The following ZNRF3 variants were observed in gnomAD, a reference collection of about 807,000 sequenced individuals.
ZNRF3 encodes zinc and ring finger 3.
ZNRF3 carries 23 observed loss-of-function variants against 72.5 expected under a neutral mutation model. The ratio of observed to expected loss-of-function variants is 0.32; its 90% CI spans 0.23 to 0.45. The LOEUF (loss-of-function observed/expected upper bound fraction) is 0.45. Among genes scored for constraint, ZNRF3 ranks in the 20% least tolerant of loss-of-function variants. The probability of loss-of-function intolerance (pLI) is 1.00; values close to 1 mark genes in which losing one functional copy is unlikely to be tolerated. For missense variants in ZNRF3, 1,169 were observed against 1,272.1 expected (o/e 0.92, Z 1.23); for synonymous variants, 610 against 545.3 (o/e 1.12, Z -1.65).
intron 2 of ZNRF3, among the ~76,000 whole-genome samples, chr22:29,035,779 C>T (rs1049260709): frequency 1.3e-5 from 2 of 151,950 alleles, no homozygotes; most frequent in Non-Finnish European, 2.9e-5. Context: ...GGGATTTCAC[C>T]GTGTTACCGA....
intron 2 of ZNRF3, among the ~76,000 whole-genome samples, chr22:29,015,844 C>G (rs1379394782): frequency 6.6e-6 from 1 of 151,096 alleles, no homozygotes; most frequent in Non-Finnish European, 1.5e-5. Flanking sequence ...ATGGTGAAAC[C>G]CCGTCTCTAC....
chr22:29,056,766 G>C lies in ZNRF3; in HGVS notation c.*3144G>C, dbSNP rs1440327923. 2.0e-5 allele frequency: 3 copies of C among 152,208 alleles called. No individual in the cohort carries two copies. In the East Asian group the frequency reaches 5.8e-4, roughly 29 times the overall value. 9.4% of individuals were successfully genotyped at this position (152,208 alleles called of 1,614,324 possible). A position where few individuals can be genotyped will look rare whatever the true frequency, so the allele number is the denominator to read the frequency against. ...TGGAAGTTTGGGTGTTTACCAACAAGGTACCTCTTTATGGATGCAGCCCCA... is the reference window on the plus strand; with the variant it reads ...TGGAAGTTTGGGTGTTTACCAACAACGTACCTCTTTATGGATGCAGCCCCA... On this transcript the variant is annotated 3_prime_UTR_variant, in exon 9 of 9. Transcript: ENST00000544604.
At chr22:29,053,423 G>A (rs886924463) in intron 8 of ZNRF3, among the ~76,000 whole-genome samples, 156 bp from the exon 9 acceptor site, 1 of 152,168 alleles carries the variant, frequency 6.6e-6, no homozygotes, top group Non-Finnish European at 1.5e-5. Flanking sequence ...TGTGCTCTCA[G>A]CACAAATGGA....
At chr22:28,998,727 G>T (rs1047658833) in intron 2 of ZNRF3, among the ~76,000 whole-genome samples, 2 of 152,198 alleles carry the variant, frequency 1.3e-5, no homozygotes, top group Non-Finnish European at 2.9e-5. Context: ...TAAAAAACTA[G>T]ATCAGAGACA....
At chr22:29,008,186 T>C (rs560705175) in intron 2 of ZNRF3, among the ~76,000 whole-genome samples, 37 of 152,334 alleles carry the variant, frequency 2.4e-4, no homozygotes, top group South Asian at 1.5e-3. Flanking sequence ...ATCATCACTG[T>C]GTCTCGTTTG....
intron 1 of ZNRF3, among the ~76,000 whole-genome samples, chr22:28,978,633 C>T (rs2035714510): frequency 6.6e-6 from 1 of 152,176 alleles, no homozygotes; most frequent in Non-Finnish European, 1.5e-5. Context: ...AAATAATTCA[C>T]GTGTCTGTTT....
intron 2 of ZNRF3, among the ~76,000 whole-genome samples, chr22:29,035,300 T>C (rs116172761): frequency 0.026 from 3,953 of 152,292 alleles, 82 homozygotes; most frequent in African/African-American, 0.058. Context: ...CACTCATGGC[T>C]ATTAAGGACA....
In ZNRF3 at chr22:29,049,638, C is replaced by G; in HGVS notation, c.1457C>G (p.Ser486Cys). ...AGCTACCCGGAGCAGGAGGGGCAGT[C>G]CCCACCTAGCCTCGCACCCCGGGGC... ...GLSYPEQEGQ[S>C]PPSLAPRGPA... The change falls in exon 8 of 9, where the codon TCC becomes TGC. Residue 486 changes from serine (S) to cysteine (C), a missense_variant. This residue lies in a region of ZNRF3 where 783 missense variants were observed against 731.4 expected (regional missense o/e 1.07). Coordinates refer to ENST00000544604, the MANE Select transcript of ZNRF3 (RefSeq NM_001206998.2). The surrounding 1 kb of genome is among the most constrained non-coding windows in gnomAD (Gnocchi z 5.2). 1 of 1,610,612 alleles carries G rather than the reference C, an allele frequency of 6.2e-7. No homozygotes were observed. Among genetic ancestry groups the G allele is most frequent in the Non-Finnish European group, 8.5e-7 (1 of 1,179,586 alleles).
chr22:28,937,368 G>A (rs2034858980), intron 1 of ZNRF3, among the ~76,000 whole-genome samples: 1 of 151,654 alleles, frequency 6.6e-6, no homozygotes, highest in South Asian at 2.1e-4. Context: ...GAACAGGTCA[G>A]TGTGAGCTTG....
chr22:29,013,900 G>A (rs968617179), intron 2 of ZNRF3, among the ~76,000 whole-genome samples: 11 of 152,218 alleles, frequency 7.2e-5, no homozygotes, highest in African/African-American at 2.4e-4. Flanking sequence ...GTGGAGGCCT[G>A]GTTAGGCTGG....
At chr22:28,955,809 C>T (rs2035249352) in intron 1 of ZNRF3, among the ~76,000 whole-genome samples, 1 of 151,318 alleles carries the variant, frequency 6.6e-6, no homozygotes, top group East Asian at 1.9e-4. Flanking sequence ...GTTCCAGCTA[C>T]TTGGGAGGCC....
intron 1 of ZNRF3, among the ~76,000 whole-genome samples, chr22:28,920,908 C>T (rs2034500267): frequency 6.6e-6 from 1 of 152,210 alleles, no homozygotes; most frequent in Admixed American, 6.5e-5. Flanking sequence ...ATGGGGGAAA[C>T]CAAGGCCTGG....
At chr22:28,924,193 G>A (rs1466094095) in intron 1 of ZNRF3, among the ~76,000 whole-genome samples, 2 of 152,222 alleles carry the variant, frequency 1.3e-5, no homozygotes, top group Admixed American at 6.5e-5. Context: ...CAGAGGGCAC[G>A]CAGCATCTGG....
At position 29,050,937 on chromosome 22, in the gene ZNRF3, C is replaced by T. The variant is rs753526888; in HGVS notation, c.2756C>T (p.Thr919Ile). The T allele has an allele frequency of 1.3e-6, 2 of 1,516,902 alleles. No homozygotes were observed. Among genetic ancestry groups the T allele is most frequent in the Admixed American group, 4.3e-5 (2 of 46,646 alleles). 94.0% of individuals were successfully genotyped at this position (1,516,902 alleles called of 1,614,324 possible). A position where few individuals can be genotyped will look rare whatever the true frequency, so the allele number is the denominator to read the frequency against. Residue 919 changes from threonine (T) to isoleucine (I), a missense_variant, in exon 8 of 9, where the codon ACT (threonine) becomes ATT (isoleucine). By Grantham distance (89) the Thr-to-Ile change is moderately conservative. Around this residue, in one of 2 missense-constraint regions of ZNRF3, gnomAD observed 783 missense variants for 731.4 expected, o/e 1.07. Transcript: ENST00000544604. ...ACTCAGGAGTCCAGCACCACTGCCA[C>T]TGAGGCTGCAGGTGAGAGCAGGAAA... The part of the protein sequence containing the change: ...QDTQESSTTA[T>I]EAAGPRSHSA...
At chr22:28,913,453 C>T (rs2034354838) in intron 1 of ZNRF3, among the ~76,000 whole-genome samples, 1 of 151,972 alleles carries the variant, frequency 6.6e-6, no homozygotes, top group Non-Finnish European at 1.5e-5. Context: ...TTAGGGTCTG[C>T]ACTGGTTCAG....
At chr22:28,974,018 C>T (rs1321794470) in intron 1 of ZNRF3, among the ~76,000 whole-genome samples, 7 of 140,084 alleles carry the variant, frequency 5.0e-5, no homozygotes, top group African/African-American at 7.9e-5. Flanking sequence ...AGTACAGTGG[C>T]GCGATCTCGG....
At chr22:28,928,793 G>A (rs367792325) in intron 1 of ZNRF3, among the ~76,000 whole-genome samples, 34 of 152,168 alleles carry the variant, frequency 2.2e-4, no homozygotes, top group African/African-American at 7.2e-4. Flanking sequence ...ACCGCGCCCG[G>A]CCCAGAAATG....
chr22:28,887,764 TGA>T (rs1229870334), intron 1 of ZNRF3, among the ~76,000 whole-genome samples: 3 of 152,196 alleles, frequency 2.0e-5, no homozygotes, highest in African/African-American at 7.2e-5. Flanking sequence ...TTAGATATAT[TGA>T]TACATATTTC....
chr22:28,975,462 C>T (rs534016262), intron 1 of ZNRF3, among the ~76,000 whole-genome samples: 11 of 126,726 alleles, frequency 8.7e-5, no homozygotes, highest in Admixed American at 4.9e-4. Context: ...AGATCGAGAT[C>T]GGGCCACTGC....
Sources: gnomAD v4.1 joint callset for allele counts (sites outside exome capture counted in the v4.1 genomes callset) on GRCh38, gnomAD v4.1.1 for gene constraint, gnomAD v4.1.1 regional missense constraint, Gnocchi (gnomAD v3.1) non-coding constraint, MANE v1.5 for transcripts, NCBI Gene and HGNC (gene_info 2026-07-23, HGNC 2026-07-21) for gene names.